The following SSUH2 variants were observed in gnomAD, a reference collection of about 807,000 sequenced individuals.
SSUH2 encodes the protein protein SSUH2 homolog.
A neutral mutation model predicts 55.3 loss-of-function variants in SSUH2; 47 were observed. The observed-to-expected ratio is 0.85, with a 90% CI of 0.67 to 1.08. SSUH2 has a LOEUF of 1.08. SSUH2 is among the 50% of genes least tolerant of loss of function. The pLI is 0.00. For synonymous variants in SSUH2, 212 were observed against 191.5 expected (o/e 1.11, Z -0.89); for missense variants, 535 against 490.7 (o/e 1.09, Z -0.85).
Position 8,626,841 on chromosome 3 carries a change from G to C in SSUH2, c.675-520C>G, listed in dbSNP as rs1413761154. 4 of 152,780 alleles carry C rather than the reference G, an allele frequency of 2.6e-5. No individual in the cohort carries two copies. The East Asian group carries it at 7.7e-4, about 29-fold the overall frequency. The allele number at this position is 152,780 out of a possible 1,614,324, so 9.5% of individuals were successfully genotyped here. On this transcript the variant is annotated intron_variant, in intron 8 of 11. Transcript: ENST00000544814. ...GAGAGGTGGATACAGATTCCTGGTG[G>C]TGTTGTTTAAGCACCCGGATCCAGC... is the stretch of plus-strand genomic sequence containing the variant.
chr3:8,669,594 G>T, intron 5 of SSUH2, among the ~76,000 whole-genome samples: 1 of 152,286 alleles, frequency 6.6e-6, no homozygotes, highest in East Asian at 1.9e-4. Flanking sequence ...ACTTTGAGTG[G>T]GGAAAGCAGA....
chr3:8,675,039 C>G (rs1705077960), intron 3 of SSUH2, among the ~76,000 whole-genome samples: 1 of 152,158 alleles, frequency 6.6e-6, no homozygotes, highest in Admixed American at 6.5e-5. Flanking sequence ...GGAACACTCC[C>G]CTCCTGCTTG....
intron 7 of SSUH2, among the ~76,000 whole-genome samples, chr3:8,656,166 CA>C (rs1702918475): frequency 6.6e-6 from 1 of 152,162 alleles, no homozygotes; most frequent in Non-Finnish European, 1.5e-5. Context: ...ACAGAACACA[CA>C]ACTGAAAAGC....
chr3:8,622,389 C>T (rs1696631545), intron 11 of SSUH2, among the ~76,000 whole-genome samples: 1 of 152,198 alleles, frequency 6.6e-6, no homozygotes, highest in African/African-American at 2.4e-5. Flanking sequence ...GGACCTGCCA[C>T]CAACAAACTG....
chr3:8,664,596 T>C (rs1703810136), intron 5 of SSUH2, among the ~76,000 whole-genome samples: 1 of 152,224 alleles, frequency 6.6e-6, no homozygotes, highest in Admixed American at 6.5e-5. Context: ...TCTCATTTCA[T>C]GGATGAGGAA....
chr3:8,645,225 A>C (rs1020969221), upstream of SSUH2, among the ~76,000 whole-genome samples: 1 of 152,174 alleles, frequency 6.6e-6, no homozygotes, highest in Admixed American at 6.5e-5. Context: ...GGGGGATATT[A>C]TATACAGATA....
chr3:8,627,296 G>C (rs149897045), intron 8 of SSUH2: 155 of 174,750 alleles, frequency 8.9e-4, no homozygotes, highest in Non-Finnish European at 1.6e-3. Flanking sequence ...CCTCCATTCA[G>C]ACCCCAAAAT....
chr3:8,655,874 A>G (rs1487205177), intron 7 of SSUH2, among the ~76,000 whole-genome samples: 2 of 152,202 alleles, frequency 1.3e-5, no homozygotes, highest in Non-Finnish European at 2.9e-5. Context: ...GCTCTGTTCT[A>G]TCCTAAGTTC....
intron 2 of SSUH2, chr3:8,679,585 C>T (rs1468696005): frequency 1.3e-5 from 2 of 157,882 alleles, no homozygotes; most frequent in Non-Finnish European, 2.6e-5. Context: ...CCCCCTGGCT[C>T]TTGGGACCCC....
intron 7 of SSUH2, among the ~76,000 whole-genome samples, chr3:8,656,231 TC>T (rs1018583862): frequency 7.2e-5 from 11 of 152,350 alleles, no homozygotes; most frequent in African/African-American, 2.6e-4. Context: ...ATATATACTC[TC>T]CCTCTTTTCC....
At chr3:8,654,548 T>C (rs406762) in intron 7 of SSUH2, among the ~76,000 whole-genome samples, 121,730 of 152,232 alleles carry the variant, frequency 0.8, 48,770 homozygotes, top group East Asian at 0.84. Flanking sequence ...TGTACTTATG[T>C]CTACACATGT....
At chr3:8,632,887 G>A (rs1013841076) in intron 4 of SSUH2, among the ~76,000 whole-genome samples, 13 of 152,186 alleles carry the variant, frequency 8.5e-5, no homozygotes, top group African/African-American at 2.9e-4. Flanking sequence ...CTCAGCCCAT[G>A]CCTTGTGGAA....
chr3:8,634,899 C>T (rs1159943174), intron 3 of SSUH2, among the ~76,000 whole-genome samples: 1 of 152,172 alleles, frequency 6.6e-6, no homozygotes, highest in Non-Finnish European at 1.5e-5. Context: ...CAAAGGGCCA[C>T]ATAGTGATAT....
At chr3:8,623,347 C>G (rs917946432) in intron 11 of SSUH2, 1 of 514,462 alleles carries the variant, frequency 1.9e-6, no homozygotes, top group African/African-American at 2.0e-5. Flanking sequence ...CTGCGACCCA[C>G]GGTCCTTCCT....
At chr3:8,669,187 A>G (rs1450579490) in intron 5 of SSUH2, among the ~76,000 whole-genome samples, 1 of 152,246 alleles carries the variant, frequency 6.6e-6, no homozygotes, top group African/African-American at 2.4e-5. Context: ...TTTTTAAACT[A>G]TAAAAGGAAT....
At chr3:8,681,257 C>T (rs1248467160) in intron 1 of SSUH2, among the ~76,000 whole-genome samples, 12 of 149,078 alleles carry the variant, frequency 8.0e-5, no homozygotes, top group Non-Finnish European at 1.6e-4. Flanking sequence ...GGAGGAACCC[C>T]GTGAGGCAGG....
At chr3:8,661,013 A>T (rs1014562613) in intron 6 of SSUH2, among the ~76,000 whole-genome samples, 3 of 152,154 alleles carry the variant, frequency 2.0e-5, no homozygotes, top group Non-Finnish European at 2.9e-5. Flanking sequence ...GTAAAGGGTG[A>T]CTCTGGAAGA....
At position 8,632,106 on chromosome 3, in the gene SSUH2, G is replaced by A. The variant is rs764401008; in HGVS notation, c.343C>T (p.Arg115Cys). The change falls in exon 5 of 12, where the codon CGT (arginine) becomes TGT (cysteine). Residue 115 changes from arginine (R) to cysteine (C), a missense_variant. Transcript: ENST00000544814. ...CTGGATTCACTAAAGGTCTCCAGAC[G>A]GTACTAAAAGGAAAAAAACAGCATG... ...ELKRQTLCRYRLETFSESRIS... is the reference protein window; with the variant it reads ...ELKRQTLCRYCLETFSESRIS... The A allele has an allele frequency of 2.7e-5, 43 of 1,613,520 alleles. No homozygotes were observed. Among genetic ancestry groups the A allele is most frequent in the Middle Eastern group, 1.6e-4 (1 of 6,084 alleles).
chr3:8,633,200 A>G (rs1045397861), intron 4 of SSUH2, among the ~76,000 whole-genome samples: 7 of 146,202 alleles, frequency 4.8e-5, no homozygotes, highest in South Asian at 2.1e-4. Context: ...CTGGAGTGCA[A>G]TGGCACCATC....
Sources: allele counts gnomAD v4.1 joint callset (sites outside exome capture counted in the v4.1 genomes callset), GRCh38; gene constraint gnomAD v4.1.1; transcripts MANE v1.5; gene names NCBI Gene and HGNC (gene_info 2026-07-23, HGNC 2026-07-21).